ANO4: variants seen among roughly 807,000 people sequenced by gnomAD.
ANO4 encodes anoctamin-4.
A neutral mutation model predicts 141.9 loss-of-function variants in ANO4; 69 were observed. That is an observed-to-expected ratio of 0.49 (90% CI 0.40 to 0.59). The LOEUF is 0.59. Among genes scored for constraint, ANO4 ranks in the 20% least tolerant of loss-of-function variants. The pLI, the probability that ANO4 is intolerant of heterozygous loss-of-function variation, is 0.00. For synonymous variants in ANO4, 350 were observed against 394.3 expected (o/e 0.89, Z 1.33); for missense variants, 894 against 1,162.2 (o/e 0.77, Z 3.36).
chr12:100,930,678 T>C (rs1361339243), intron 3 of ANO4, among the ~76,000 whole-genome samples: 4 of 152,200 alleles, frequency 2.6e-5, no homozygotes. Flanking sequence ...AGGTTCCTGC[T>C]GTCATATCTG....
intron 22 of ANO4, among the ~76,000 whole-genome samples, chr12:101,107,973 G>T (rs1321318115): frequency 6.6e-6 from 1 of 152,128 alleles, no homozygotes; most frequent in Non-Finnish European, 1.5e-5. Context: ...AGCTAGCAGA[G>T]ACCTGGTTTT....
intron 18 of ANO4, 142 bp from the exon 19 acceptor site, chr12:101,096,394 G>A (rs1163587053): frequency 1.8e-5 from 11 of 620,900 alleles, no homozygotes; most frequent in African/African-American, 1.1e-4. Flanking sequence ...TCCACCACAC[G>A]CCATCCGTGG....
At position 101,034,110 on chromosome 12, in the gene ANO4, C is replaced by T. The variant is rs1443698007; in HGVS notation, c.842-2985C>T. Among the ~76,000 whole-genome samples, 4 of 152,134 alleles carry T rather than the reference C, an allele frequency of 2.6e-5. No individual in the cohort carries two copies. The South Asian group carries it at 8.3e-4, about 31-fold the overall frequency. ...CCTCAAGTATCTAGAACCAGAAATACCATTTGACCCAGCAATCCCATTACT... is the reference window on the plus strand; with the variant it reads ...CCTCAAGTATCTAGAACCAGAAATATCATTTGACCCAGCAATCCCATTACT... On this transcript the variant is annotated intron_variant, in intron 9 of 27. Coordinates refer to ENST00000392977, the MANE Select transcript of ANO4 (RefSeq NM_001286615.2).
chr12:100,834,849 T>C (rs1310328924), intron 1 of ANO4, among the ~76,000 whole-genome samples: 2 of 151,996 alleles, frequency 1.3e-5, no homozygotes, highest in South Asian at 2.1e-4. Flanking sequence ...AATGCAGATA[T>C]ATGAGGGAAG....
intron 7 of ANO4, among the ~76,000 whole-genome samples, chr12:100,975,955 A>AAAAAAAAAAAAAAAAAAAAAAAAC (rs1555266336): frequency 8.0e-6 from 1 of 124,624 alleles, no homozygotes; most frequent in African/African-American, 3.0e-5. Context: ...GAAAAAAAAA[A>AAAAAAAAAAAAAAAAAAAAAAAAC]CCCACCAGAT....
At chr12:101,091,922 A>G (rs913795918) in intron 17 of ANO4, among the ~76,000 whole-genome samples, 31 of 152,086 alleles carry the variant, frequency 2.0e-4, no homozygotes, top group South Asian at 6.2e-4. Context: ...ATGCCTCTTA[A>G]TGGCTGGTTA....
chr12:100,928,224 C>T (rs1193952469), intron 3 of ANO4, among the ~76,000 whole-genome samples: 1 of 152,028 alleles, frequency 6.6e-6, no homozygotes, highest in Non-Finnish European at 1.5e-5. Context: ...TCTTGTCTGG[C>T]AATTTTGTGG....
At chr12:101,014,652 G>A (rs776312195) in intron 8 of ANO4, among the ~76,000 whole-genome samples, 5 of 152,074 alleles carry the variant, frequency 3.3e-5, no homozygotes, top group Non-Finnish European at 5.9e-5. Flanking sequence ...GTGACTTTGG[G>A]CAAATTACAT....
chr12:100,879,664 G>A (rs1376352492), intron 1 of ANO4, among the ~76,000 whole-genome samples: 1 of 152,098 alleles, frequency 6.6e-6, no homozygotes, highest in Non-Finnish European at 1.5e-5. Context: ...TGTATTCCTA[G>A]CATCAGGCAA....
chr12:100,974,435 A>T (rs1455089170), intron 6 of ANO4, among the ~76,000 whole-genome samples: 1 of 152,098 alleles, frequency 6.6e-6, no homozygotes, highest in Non-Finnish European at 1.5e-5. Flanking sequence ...ATGCTATATA[A>T]ATATTAGTTA....
chr12:100,839,716 C>G (rs2037136950), intron 1 of ANO4, among the ~76,000 whole-genome samples: 1 of 151,846 alleles, frequency 6.6e-6, no homozygotes, highest in South Asian at 2.1e-4. Context: ...TAGACAGAAC[C>G]TTATTTCATT....
At chr12:100,790,750 G>A (rs753659238), upstream of ANO4, among the ~76,000 whole-genome samples, 2 of 152,166 alleles carry the variant, frequency 1.3e-5, no homozygotes, top group Non-Finnish European at 2.9e-5. Context: ...AATGCTGACT[G>A]TGCAAACAAA....
chr12:100,823,220 C>A (rs2135743788), intron 1 of ANO4, among the ~76,000 whole-genome samples: 1 of 152,032 alleles, frequency 6.6e-6, no homozygotes, highest in Admixed American at 6.6e-5. Flanking sequence ...GAAATGGAAG[C>A]CAAATGACTT....
intron 1 of ANO4, among the ~76,000 whole-genome samples, chr12:100,889,111 A>G (rs911406419): frequency 3.5e-5 from 5 of 140,992 alleles, no homozygotes; most frequent in Non-Finnish European, 6.0e-5. Flanking sequence ...ATTCTCATCT[A>G]TGAGTGAGAA....
intron 16 of ANO4, among the ~76,000 whole-genome samples, chr12:101,084,056 G>C (rs989392379): frequency 6.6e-6 from 1 of 152,190 alleles, no homozygotes; most frequent in Admixed American, 6.5e-5. Flanking sequence ...AGGTAGCTAA[G>C]AGCTGAGACC....
exon 2 of ANO4, chr12:100,733,800 A>C (rs980176485): frequency 5.3e-5 from 37 of 702,180 alleles, no homozygotes; most frequent in Non-Finnish European, 8.8e-5. Flanking sequence ...CGGAAGTTAT[A>C]ACCTTTCCTC....
intron 5 of ANO4, among the ~76,000 whole-genome samples, chr12:100,967,348 G>T (rs1197304430): frequency 6.6e-6 from 1 of 152,032 alleles, no homozygotes; most frequent in Non-Finnish European, 1.5e-5. Context: ...AATAAGGAAA[G>T]ACCTATCTAG....
At chr12:101,080,212 T>C (rs377757383) in intron 15 of ANO4, among the ~76,000 whole-genome samples, 7 of 152,254 alleles carry the variant, frequency 4.6e-5, no homozygotes, top group African/African-American at 1.7e-4. Context: ...ATATGAACGA[T>C]GTGAATTTTA....
intron 22 of ANO4, among the ~76,000 whole-genome samples, chr12:101,104,659 ATATATATATATAAAT>A (rs2050364619): frequency 3.2e-5 from 2 of 61,828 alleles, no homozygotes; most frequent in African/African-American, 2.2e-4. Context: ...ATATATATAT[ATATATATATATAAAT>A]AAAAAGATTT....
Sources: allele counts gnomAD v4.1 joint callset (sites outside exome capture counted in the v4.1 genomes callset), GRCh38; gene constraint gnomAD v4.1.1; transcripts MANE v1.5; gene names NCBI Gene and HGNC (gene_info 2026-07-23, HGNC 2026-07-21).